Variants in ZMYND11 observed in about 807,000 individuals in gnomAD.
ZMYND11 encodes the protein zinc finger MYND-type containing 11.
Under a neutral mutation model 84.9 loss-of-function variants are expected in ZMYND11, and 9 were observed. The ratio of observed to expected loss-of-function variants is 0.11; its 90% confidence interval spans 0.06 to 0.18. ZMYND11 has a LOEUF of 0.18. Among genes scored for constraint, ZMYND11 ranks in the 10% least tolerant of loss-of-function variants. ZMYND11 has a pLI of 1.00. For synonymous variants in ZMYND11, 250 were observed against 244.1 expected (o/e 1.02, Z -0.23); for missense variants, 409 against 761.0 (o/e 0.54, Z 5.44).
chr10:136,157 C>T (rs1430823689), intron 1 of ZMYND11, among the ~76,000 whole-genome samples: 8 of 152,126 alleles, frequency 5.3e-5, no homozygotes, highest in Admixed American at 2.0e-4. Flanking sequence ...CCTCGCGGAC[C>T]TCCGGGACAG....
chr10:174,948 G>A (rs1337909858), intron 1 of ZMYND11, among the ~76,000 whole-genome samples: 6 of 118,990 alleles, frequency 5.0e-5, no homozygotes, highest in Admixed American at 8.2e-5. Context: ...ACATTGGTCA[G>A]AACCCATGGG....
intron 10 of ZMYND11, among the ~76,000 whole-genome samples, chr10:243,166 T>G (rs1351261579): frequency 6.6e-6 from 1 of 152,184 alleles, no homozygotes; most frequent in East Asian, 1.9e-4. Context: ...ATTAGTCAGT[T>G]TCTCTGAGCC....
chr10:248,436 T>C lies in ZMYND11; in HGVS notation c.1328T>C (p.Leu443Ser). ...KVSVSTQTKK[L>S]SASSPRMLHR... is the part of the protein sequence containing the mutation. Reference sequence around the variant, plus strand: ...TCCGTGTCAACTCAGACAAAGAAGTTAAGTGCCTCTTCACCAAGAATGCTG... The same window carrying C: ...TCCGTGTCAACTCAGACAAAGAAGTCAAGTGCCTCTTCACCAAGAATGCTG... Residue 443 changes from leucine to serine, a missense_variant, in exon 13 of 15, where the codon TTA becomes TCA. This residue lies in a region of ZMYND11 where 141 missense variants were observed against 173.8 expected (regional missense o/e 0.81). Coordinates refer to ENST00000381604, the MANE Select transcript of ZMYND11 (RefSeq NM_001370100.5). 6.2e-7 allele frequency: 1 copy of C among 1,614,152 alleles called. No individual in the cohort carries two copies. Among genetic ancestry groups the C allele is most frequent in the South Asian group, 1.1e-5 (1 of 91,078 alleles).
In ZMYND11 at chr10:237,647, C is replaced by T. The variant is rs1397325602; in HGVS notation, c.579C>T (p.His193=). ...NKHPMYRRLV[H]SAVDVPTIQE... ...ACCCGATGTACAGGAGGCTGGTGCA[C>T]TCAGCTGTGGACGTTCCCACCATTC... is the stretch of plus-strand genomic sequence containing the variant. Residue 193 remains histidine, a synonymous_variant, in exon 6 of 15, where the codon CAC becomes CAT. Coordinates refer to ENST00000381604, the MANE Select transcript of ZMYND11 (RefSeq NM_001370100.5). The T allele has an allele frequency of 5.6e-6, 9 of 1,613,230 alleles. No homozygotes were observed. Among genetic ancestry groups the T allele is most frequent in the South Asian group, 2.2e-5 (2 of 90,882 alleles).
At chr10:174,561 T>C (rs1311251356) in intron 1 of ZMYND11, among the ~76,000 whole-genome samples, 72 of 122,124 alleles carry the variant, frequency 5.9e-4, no homozygotes, top group Middle Eastern at 0.013. Context: ...CCCATGGGCA[T>C]TACAGTGGCA....
intron 1 of ZMYND11, among the ~76,000 whole-genome samples, chr10:171,941 A>C (rs1282572249): frequency 6.6e-6 from 1 of 152,218 alleles, no homozygotes; most frequent in African/African-American, 2.4e-5. Flanking sequence ...AAATAACAGA[A>C]GTTTATTTCT....
upstream of ZMYND11, among the ~76,000 whole-genome samples, chr10:132,905 A>C (rs1835350381): frequency 6.6e-6 from 1 of 152,202 alleles, no homozygotes; most frequent in South Asian, 2.1e-4. Context: ...CAATGCAAAA[A>C]GGAGAATCAA....
At chr10:248,016 T>G (rs1366176018) in intron 12 of ZMYND11, among the ~76,000 whole-genome samples, 1 of 152,242 alleles carries the variant, frequency 6.6e-6, no homozygotes, top group Admixed American at 6.5e-5. Flanking sequence ...AATTTTTATA[T>G]TCTATAAATT....
At position 246,890 on chromosome 10, in the gene ZMYND11, G is replaced by C. The variant is rs775496222; in HGVS notation, c.1075G>C (p.Glu359Gln). ...ELELHQRFLR[E>Q]GRFWKSKNED... ...GGAGCTGCATCAGCGTTTCCTACGA[G>C]AAGGGAGATTTTGGAAATCTAAGAA... Residue 359 changes from glutamate to glutamine, a missense_variant, in exon 11 of 15, where the codon GAA (glutamate) becomes CAA (glutamine). Physicochemically the swap from Glu to Gln is conservative, Grantham distance 29. Coordinates refer to ENST00000381604, the MANE Select transcript of ZMYND11 (RefSeq NM_001370100.5). 6.2e-7 allele frequency: 1 copy of C among 1,613,824 alleles called. No individual in the cohort carries two copies. Among genetic ancestry groups the C allele is most frequent in the Non-Finnish European group, 8.5e-7 (1 of 1,179,992 alleles).
chr10:239,643 G>A lies in ZMYND11; in HGVS notation c.697+118G>A, dbSNP rs1428018259. The A allele has an allele frequency of 6.4e-6, 5 of 785,296 alleles. No homozygotes were observed. The African/African-American group carries it at 7.0e-5, about 11-fold the overall frequency. The allele number at this position is 785,296 out of a possible 1,614,324, so 48.6% of individuals were successfully genotyped here. ...GAATTAATACCTTAATGATCTACAA[G>A]TTTAGAGTATAAGGTTAGGAATATC... On this transcript the variant is annotated intron_variant, in intron 7 of 14. Coordinates refer to ENST00000381604, the MANE Select transcript of ZMYND11 (RefSeq NM_001370100.5).
chr10:247,116 C>A (rs1952313958), intron 11 of ZMYND11, 143 bp downstream of exon 11: 1 of 912,350 alleles, frequency 1.1e-6, no homozygotes, highest in Non-Finnish European at 1.7e-6. Context: ...CAAAACTAAA[C>A]CAAAAGCAGT....
At chr10:226,541 CT>C (rs1203080332) in intron 4 of ZMYND11, among the ~76,000 whole-genome samples, 4 of 152,070 alleles carry the variant, frequency 2.6e-5, no homozygotes, top group South Asian at 2.1e-4. Flanking sequence ...GTTATTGCCC[CT>C]ATTTAAATTC....
intron 5 of ZMYND11, 69 bp downstream of exon 5, chr10:236,984 G>A: frequency 6.9e-7 from 1 of 1,439,344 alleles, no homozygotes; most frequent in Non-Finnish European, 9.6e-7. Context: ...TTCTTTCAAA[G>A]TTGAATGATC....
chr10:179,449 G>A (rs1427381811), intron 1 of ZMYND11, among the ~76,000 whole-genome samples: 1 of 152,146 alleles, frequency 6.6e-6, no homozygotes, highest in Non-Finnish European at 1.5e-5. Context: ...ACCTTCTAGT[G>A]TTCTGTCCCT....
chr10:154,784 C>A (rs1332393806), intron 1 of ZMYND11: 1 of 152,060 alleles, frequency 6.6e-6, no homozygotes, highest in Non-Finnish European at 1.5e-5. Flanking sequence ...TTTAATATCT[C>A]ATTTAAAAAT....
At chr10:166,384 C>G (rs550757943) in intron 1 of ZMYND11, among the ~76,000 whole-genome samples, 108 of 152,098 alleles carry the variant, frequency 7.1e-4, no homozygotes, top group African/African-American at 2.5e-3. Context: ...ATAAAGAACA[C>G]CTACAACTCA....
chr10:225,418 A>G lies in ZMYND11; in HGVS notation c.438+4062A>G, dbSNP rs540084726. Among the ~76,000 whole-genome samples the G allele has an allele frequency of 5.3e-4, 80 of 152,260 alleles. 1 individual carries two copies. The highest frequency in any genetic ancestry group is 1.8e-3 in the African/African-American group (76 of 41,552). On this transcript the variant is annotated intron_variant, in intron 4 of 14. Coordinates refer to ENST00000381604, the MANE Select transcript of ZMYND11 (RefSeq NM_001370100.5). ...CAGGTTGGAGTGCAGTGGCACAATCATGGCTCACTGCAGCCTCAACCTCCT... is the reference window on the plus strand; with the variant it reads ...CAGGTTGGAGTGCAGTGGCACAATCGTGGCTCACTGCAGCCTCAACCTCCT...
Position 252,629 on chromosome 10 carries a change from T to C in ZMYND11, c.*159T>C. On this transcript the variant is annotated 3_prime_UTR_variant, in exon 15 of 15. Coordinates refer to ENST00000381604, the MANE Select transcript of ZMYND11 (RefSeq NM_001370100.5). This position sits in a 1 kb window ranked among gnomAD's most constrained non-coding sequence, Gnocchi z 4.6. ...TTTGCACAGTAGTTTAAATCTTTTGTTAATGCTCCTCCGAAGTTTTTCAGG... is the reference window on the plus strand; with the variant it reads ...TTTGCACAGTAGTTTAAATCTTTTGCTAATGCTCCTCCGAAGTTTTTCAGG... The C allele has an allele frequency of 1.0e-6, 1 of 966,952 alleles. No homozygotes were observed. Among genetic ancestry groups the C allele is most frequent in the South Asian group, 2.2e-5 (1 of 44,498 alleles). 59.9% of individuals were successfully genotyped at this position (966,952 alleles called of 1,614,324 possible).
chr10:145,399 GT>G (rs1255762082), intron 1 of ZMYND11, among the ~76,000 whole-genome samples: 1 of 152,094 alleles, frequency 6.6e-6, no homozygotes, highest in African/African-American at 2.4e-5. Flanking sequence ...TTCTTTTCCT[GT>G]GGGTAGATGC....
Sources: gnomAD v4.1 joint callset for allele counts (sites outside exome capture counted in the v4.1 genomes callset) on GRCh38, gnomAD v4.1.1 for gene constraint, gnomAD v4.1.1 regional missense constraint, Gnocchi (gnomAD v3.1) non-coding constraint, MANE v1.5 for transcripts, NCBI Gene and HGNC (gene_info 2026-07-23, HGNC 2026-07-21) for gene names.